QTMAN: variants seen among roughly 807,000 people sequenced by gnomAD.
QTMAN encodes the protein tRNA-queuosine alpha-mannosyltransferase.
At chr2:143,999,103 A>T in the QTMAN span, among the ~76,000 whole-genome samples, 2 of 151,952 alleles carry the variant, frequency 1.3e-5, no homozygotes, top group Admixed American at 1.3e-4. Context: ...CTAAACAAAA[A>T]AGTTTCTGTC....
At chr2:144,017,353 G>C in the QTMAN span, among the ~76,000 whole-genome samples, 6 of 152,114 alleles carry the variant, frequency 3.9e-5, no homozygotes, top group African/African-American at 1.2e-4. Context: ...TTAAAGATTT[G>C]TGTTTCAGGA....
the QTMAN span, among the ~76,000 whole-genome samples, chr2:144,252,745 A>G: frequency 0.15 from 22,341 of 152,168 alleles, 2,629 homozygotes; most frequent in African/African-American, 0.33. Flanking sequence ...GTGCTTCTTG[A>G]TATTTATCCA....
chr2:144,126,466 T>C, the QTMAN span, among the ~76,000 whole-genome samples: 30 of 152,126 alleles, frequency 2.0e-4, no homozygotes, highest in African/African-American at 6.5e-4. Context: ...GTTATGATTG[T>C]GGTTTGACTG....
the QTMAN span, among the ~76,000 whole-genome samples, chr2:144,023,718 T>C: frequency 6.6e-6 from 1 of 152,202 alleles, no homozygotes; most frequent in African/African-American, 2.4e-5. Flanking sequence ...TTGTGGGTCA[T>C]AGCCACAAAG....
At chr2:144,019,232 T>C in the QTMAN span, among the ~76,000 whole-genome samples, 1 of 152,164 alleles carries the variant, frequency 6.6e-6, no homozygotes, top group Non-Finnish European at 1.5e-5. Flanking sequence ...ACACCAATGT[T>C]CAATCCTCCC....
At chr2:144,285,722 T>A in the QTMAN span, among the ~76,000 whole-genome samples, 1 of 152,204 alleles carries the variant, frequency 6.6e-6, no homozygotes, top group African/African-American at 2.4e-5. Flanking sequence ...TAGGAAAATA[T>A]TTTAATCTGT....
At chr2:144,044,791 T>A in the QTMAN span, among the ~76,000 whole-genome samples, 1 of 152,154 alleles carries the variant, frequency 6.6e-6, no homozygotes, top group Non-Finnish European at 1.5e-5. Context: ...GATGTACTGG[T>A]GTACAGTCCT....
the QTMAN span, among the ~76,000 whole-genome samples, chr2:144,231,869 T>C: frequency 6.6e-6 from 1 of 150,562 alleles, no homozygotes; most frequent in Non-Finnish European, 1.5e-5. Context: ...TGTGTGTGTG[T>C]GTGTGTGTGT....
At chr2:144,133,343 AT>A in the QTMAN span, among the ~76,000 whole-genome samples, 5 of 43,808 alleles carry the variant, frequency 1.1e-4, no homozygotes, top group African/African-American at 3.5e-4. Flanking sequence ...ATAAATATAT[AT>A]TATATATGTA....
At chr2:144,297,683 C>T in the QTMAN span, among the ~76,000 whole-genome samples, 1 of 149,030 alleles carries the variant, frequency 6.7e-6, no homozygotes, top group Admixed American at 6.8e-5. Context: ...CGGGTTCAAA[C>T]GATTCTCCTA....
At chr2:144,253,013 T>C in the QTMAN span, among the ~76,000 whole-genome samples, 2 of 152,168 alleles carry the variant, frequency 1.3e-5, no homozygotes, top group Non-Finnish European at 2.9e-5. Context: ...ATAGTTCCCA[T>C]AATCCCCACA....
At chr2:144,137,916 C>T in the QTMAN span, among the ~76,000 whole-genome samples, 3 of 152,202 alleles carry the variant, frequency 2.0e-5, no homozygotes, top group East Asian at 3.9e-4. Flanking sequence ...TACTTAACCT[C>T]GCTGCTGTGA....
chr2:143,996,225 G>C, the QTMAN span, among the ~76,000 whole-genome samples: 1 of 152,272 alleles, frequency 6.6e-6, no homozygotes, highest in Non-Finnish European at 1.5e-5. Context: ...TCTTCAACAA[G>C]TGCATTCTAT....
At chr2:144,181,097 A>G in the QTMAN span, among the ~76,000 whole-genome samples, 1 of 152,202 alleles carries the variant, frequency 6.6e-6, no homozygotes, top group Non-Finnish European at 1.5e-5. Flanking sequence ...GGAAACAGAT[A>G]GGTATCTGTT....
the QTMAN span, among the ~76,000 whole-genome samples, chr2:144,101,932 T>G: frequency 6.6e-6 from 1 of 152,198 alleles, no homozygotes; most frequent in Non-Finnish European, 1.5e-5. Context: ...CCCACCAGAC[T>G]GAAAGAAGGA....
the QTMAN span, chr2:144,177,247 CCCA>C: frequency 1.7e-6 from 1 of 599,304 alleles, no homozygotes; most frequent in Non-Finnish European, 2.8e-6. Context: ...TTATCTTGAT[CCCA>C]ATAAAAAAAA....
At chr2:144,165,388 A>T in the QTMAN span, among the ~76,000 whole-genome samples, 11 of 150,064 alleles carry the variant, frequency 7.3e-5, no homozygotes, top group Non-Finnish European at 1.2e-4. Flanking sequence ...TAAATAAATA[A>T]ATATAAATAA....
At chr2:143,958,539 G>A in the QTMAN span, among the ~76,000 whole-genome samples, 2 of 152,052 alleles carry the variant, frequency 1.3e-5, no homozygotes, top group Non-Finnish European at 2.9e-5. Context: ...ATTGAGTGCA[G>A]TCATCTATAG....
chr2:144,104,248 C>T, the QTMAN span, among the ~76,000 whole-genome samples: 1 of 152,090 alleles, frequency 6.6e-6, no homozygotes, highest in Non-Finnish European at 1.5e-5. Flanking sequence ...TGGGGCTTGT[C>T]GGACAGTGGG....
Sources: allele counts gnomAD v4.1 joint callset (sites outside exome capture counted in the v4.1 genomes callset), GRCh38; gene constraint gnomAD v4.1.1; transcripts MANE v1.5; gene names NCBI Gene and HGNC (gene_info 2026-07-23, HGNC 2026-07-21).